The following ABHD5 variants were observed in gnomAD, a reference collection of about 807,000 sequenced individuals.
ABHD5 encodes 1-acylglycerol-3-phosphate O-acyltransferase ABHD5.
In ABHD5, 30 loss-of-function variants were observed where a neutral mutation model predicts 44.9. The ratio of observed to expected loss-of-function variants is 0.67; its 90% CI spans 0.50 to 0.91. The LOEUF is 0.91. ABHD5 is among the 40% of genes least tolerant of loss of function. ABHD5 has a pLI of 0.00. For missense variants in ABHD5, 399 were observed against 423.4 expected, an observed-to-expected ratio of 0.94 and a Z score of 0.50; for synonymous variants, 167 against 147.0, an observed-to-expected ratio of 1.14 and a Z score of -0.99.
Position 43,690,979 on chromosome 3 carries a change from G to C in ABHD5, c.-14G>C, listed in dbSNP as rs1049863153. The C allele has an allele frequency of 6.4e-7, 1 of 1,572,446 alleles. No individual in the cohort carries two copies. Among genetic ancestry groups the C allele is most frequent in the Non-Finnish European group, 8.6e-7 (1 of 1,162,710 alleles). ...GGCTTCGAGATAAGTCCCGGCGCTT[G>C]CGCGGCGGCGGCTATGGCGGCGGAG... On this transcript the variant is annotated 5_prime_UTR_variant, in exon 1 of 7. Transcript: ENST00000644371.
intron 4 of ABHD5, among the ~76,000 whole-genome samples, chr3:43,714,137 C>CTTTTTTTTTTTTTTTTTTTTTTTTT (rs542982546): frequency 7.3e-6 from 1 of 136,890 alleles, no homozygotes. Context: ...TTCTTTTTTT[C>CTTTTTTTTTTTTTTTTTTTTTTTTT]TTTTTTTTTT....
rs1489849731 is a variant in ABHD5, at chr3:43,690,964, T to G, written c.-29T>G. 5 of 1,558,434 alleles carry G rather than the reference T, an allele frequency of 3.2e-6. No homozygotes were observed. The highest frequency in any genetic ancestry group is 2.6e-5 in the East Asian group (1 of 38,580). ...GTCGGCCTGTCAGCCGGCTTCGAGA[T>G]AAGTCCCGGCGCTTGCGCGGCGGCG... is the stretch of plus-strand genomic sequence containing the variant. On this transcript the variant is annotated 5_prime_UTR_variant, in exon 1 of 7. Coordinates refer to ENST00000644371, the MANE Select transcript of ABHD5 (RefSeq NM_016006.6).
intron 1 of ABHD5, among the ~76,000 whole-genome samples, chr3:43,697,400 A>T (rs1239082022): frequency 6.6e-6 from 1 of 152,014 alleles, no homozygotes; most frequent in Non-Finnish European, 1.5e-5. Context: ...GGTTCGAGGG[A>T]TGTTTGTTTA....
At chr3:43,706,751 A>G (rs2084625221) in intron 3 of ABHD5, among the ~76,000 whole-genome samples, 1 of 152,158 alleles carries the variant, frequency 6.6e-6, no homozygotes, top group Non-Finnish European at 1.5e-5. Flanking sequence ...CTCAGCTGAT[A>G]ATGTTATTTT....
In ABHD5 at chr3:43,706,728, A is replaced by G. The variant is rs117186923; in HGVS notation, c.506+4141A>G. Among the ~76,000 whole-genome samples, 180 of 152,328 alleles carry G rather than the reference A, an allele frequency of 1.2e-3. 3 individuals carry two copies. In the East Asian group the frequency reaches 0.034, roughly 29 times the overall value. ...CTCCAAAACTGCCGGGATTACAGGC[A>G]TGAGACACCGTGCTCAGCTGATAAT... On this transcript the variant is annotated intron_variant, in intron 3 of 6. Coordinates refer to ENST00000644371, the MANE Select transcript of ABHD5 (RefSeq NM_016006.6).
rs148457360 is a variant in ABHD5 at position 43,714,615 on chromosome 3, A to C, written c.662-332A>C. The stretch of plus-strand genomic sequence containing the variant: ...TGGAAGAAATACAAGTTATTACATT[A>C]ATTTTTACGTACGAGCTACTCGCCA... On this transcript the variant is annotated intron_variant, in intron 4 of 6. Coordinates refer to ENST00000644371, the MANE Select transcript of ABHD5 (RefSeq NM_016006.6). Among the ~76,000 whole-genome samples the C allele has an allele frequency of 2.4e-3, 368 of 152,288 alleles. 4 individuals are homozygous for C. The highest frequency in any genetic ancestry group is 8.6e-3 in the African/African-American group (359 of 41,570).
At chr3:43,693,496 C>T (rs929367920) in intron 1 of ABHD5, among the ~76,000 whole-genome samples, 4 of 152,080 alleles carry the variant, frequency 2.6e-5, no homozygotes, top group African/African-American at 9.7e-5. Flanking sequence ...AGATATGTGC[C>T]TTTCTCTCTG....
intron 3 of ABHD5, among the ~76,000 whole-genome samples, chr3:43,708,952 A>T (rs879607596): frequency 3.3e-4 from 50 of 152,202 alleles, no homozygotes; most frequent in Non-Finnish European, 5.6e-4. Flanking sequence ...ATTTTATTTT[A>T]AAAAAGACTA....
At chr3:43,732,431 AAAAAC>A (rs768745303) in intron 7 of ABHD5, among the ~76,000 whole-genome samples, 10 of 152,192 alleles carry the variant, frequency 6.6e-5, no homozygotes, top group South Asian at 4.2e-4. Flanking sequence ...TCTGTGTCTC[AAAAAC>A]AAAACAAAAC....
intron 1 of ABHD5, among the ~76,000 whole-genome samples, 160 bp from the exon 2 acceptor site, chr3:43,699,116 C>A (rs1011494722): frequency 6.6e-6 from 1 of 152,192 alleles, no homozygotes; most frequent in African/African-American, 2.4e-5. Context: ...CCAGTACTTA[C>A]CACCATGCTT....
At chr3:43,724,594 A>G (rs1279944370), downstream of ABHD5, among the ~76,000 whole-genome samples, 1 of 152,218 alleles carries the variant, frequency 6.6e-6, no homozygotes, top group African/African-American at 2.4e-5. Context: ...CATATGCTGG[A>G]GTACTATGCA....
intron 1 of ABHD5, 44 bp from the exon 2 acceptor site, chr3:43,699,232 G>C: frequency 6.7e-7 from 1 of 1,501,034 alleles, no homozygotes; most frequent in African/African-American, 1.4e-5. Flanking sequence ...TAGTTGAGAA[G>C]AGCATGAACT....
At chr3:43,700,204 AT>A (rs1559411206) in intron 2 of ABHD5, among the ~76,000 whole-genome samples, 1 of 151,994 alleles carries the variant, frequency 6.6e-6, no homozygotes, top group East Asian at 1.9e-4. Context: ...GGTCCATAGA[AT>A]TCCTTCTAGT....
exon 8 of ABHD5, chr3:43,733,898 A>G (rs1240895067): frequency 1.3e-5 from 2 of 152,210 alleles, no homozygotes; most frequent in Non-Finnish European, 2.9e-5. Context: ...CCGCAAAACC[A>G]TGTCTGAGAG....
downstream of ABHD5, among the ~76,000 whole-genome samples, chr3:43,723,791 A>G (rs2084859641): frequency 6.6e-6 from 1 of 152,272 alleles, no homozygotes; most frequent in Admixed American, 6.5e-5. Context: ...AGAGAAACTT[A>G]AAGGACCTTG....
chr3:43,729,397 C>T (rs141800265), intron 7 of ABHD5, among the ~76,000 whole-genome samples: 355 of 152,222 alleles, frequency 2.3e-3, no homozygotes, highest in Admixed American at 4.6e-3. Flanking sequence ...AAGAGTAACA[C>T]GCATTTATGG....
chr3:43,696,655 G>C (rs992294733), intron 1 of ABHD5, among the ~76,000 whole-genome samples: 1 of 152,118 alleles, frequency 6.6e-6, no homozygotes, highest in African/African-American at 2.4e-5. Flanking sequence ...AAAAGATAAG[G>C]CCCTTGCTTT....
At chr3:43,694,521 A>T (rs536233949) in intron 1 of ABHD5, among the ~76,000 whole-genome samples, 1 of 152,230 alleles carries the variant, frequency 6.6e-6, no homozygotes, top group South Asian at 2.1e-4. Flanking sequence ...AAGAAATGTC[A>T]CTGACTTGTT....
chr3:43,727,888 C>T (rs533612896), intron 7 of ABHD5, among the ~76,000 whole-genome samples: 2 of 152,158 alleles, frequency 1.3e-5, no homozygotes, highest in African/African-American at 2.4e-5. Flanking sequence ...GTAGTACAGG[C>T]GTGAGCCACC....
Sources: gnomAD v4.1 joint callset for allele counts (sites outside exome capture counted in the v4.1 genomes callset) on GRCh38, gnomAD v4.1.1 for gene constraint, MANE v1.5 for transcripts, NCBI Gene and HGNC (gene_info 2026-07-23, HGNC 2026-07-21) for gene names.